DGKI: variants seen among roughly 807,000 people sequenced by gnomAD.
DGKI encodes DAG kinase iota.
In DGKI, 55 loss-of-function variants were observed where a neutral mutation model predicts 147.5. That is an observed-to-expected ratio of 0.37 (90% CI 0.30 to 0.47). DGKI has a LOEUF of 0.47. Among genes scored for constraint, DGKI ranks in the 20% least tolerant of loss-of-function variants. DGKI has a pLI of 1.00. For synonymous variants in DGKI, 469 were observed against 477.1 expected (o/e 0.98, Z 0.22); for missense variants, 1,007 against 1,323.8 (o/e 0.76, Z 3.71).
chr7:137,546,669 A>G (rs1817877862), intron 20 of DGKI, among the ~76,000 whole-genome samples: 1 of 152,226 alleles, frequency 6.6e-6, no homozygotes. Context: ...AAAAGACAAA[A>G]TGTAGAATTT....
At chr7:137,656,114 T>C (rs1172359248) in intron 4 of DGKI, among the ~76,000 whole-genome samples, 2 of 152,244 alleles carry the variant, frequency 1.3e-5, no homozygotes, top group East Asian at 3.8e-4. Flanking sequence ...AAACAGCTTA[T>C]AGAACTTCTT....
chr7:137,711,717 C>CG (rs965590098), intron 1 of DGKI, among the ~76,000 whole-genome samples: 2 of 101,666 alleles, frequency 2.0e-5, no homozygotes, highest in Non-Finnish European at 3.6e-5. Context: ...TTTTTTAAGA[C>CG]GGAGTCTCGC....
intron 30 of DGKI, among the ~76,000 whole-genome samples, chr7:137,405,745 A>C (rs762787251): frequency 5.3e-5 from 8 of 152,170 alleles, no homozygotes; most frequent in Non-Finnish European, 1.0e-4. Flanking sequence ...GAACCCCAGC[A>C]CTACCATGCT....
At chr7:137,432,636 G>A (rs1009161186) in intron 28 of DGKI, among the ~76,000 whole-genome samples, 1 of 152,158 alleles carries the variant, frequency 6.6e-6, no homozygotes, top group Non-Finnish European at 1.5e-5. Context: ...ATGACATTAA[G>A]TAATTTGCTG....
chr7:137,382,377 G>T lies in DGKI; in HGVS notation c.*8843C>A, dbSNP rs977371919. Reference sequence around the variant, plus strand: ...CAAACTTTATCAGGGACCAGAACAAGTTTGTGGACAGGCATAATGTATTAT... The same window carrying T: ...CAAACTTTATCAGGGACCAGAACAATTTTGTGGACAGGCATAATGTATTAT... On this transcript the variant is annotated 3_prime_UTR_variant, in exon 33 of 33. Coordinates refer to ENST00000614521, the MANE Select transcript of DGKI (RefSeq NM_001321708.2). 1 of 151,938 alleles carries T rather than the reference G, an allele frequency of 6.6e-6. No individual in the cohort carries two copies. The highest frequency in any genetic ancestry group is 2.4e-5 in the African/African-American group (1 of 41,374). The allele number at this position is 151,938 out of a possible 1,614,324, so 9.4% of individuals were successfully genotyped here.
Position 137,720,183 on chromosome 7 carries a change from C to T in DGKI, c.402-30181G>A, listed in dbSNP as rs1007882225. Among the ~76,000 whole-genome samples, 6 of 148,720 alleles carry T rather than the reference C, an allele frequency of 4.0e-5. No individual in the cohort carries two copies. In the East Asian group the frequency reaches 1.2e-3, roughly 30 times the overall value. ...TGAGGTCCCCATACTTCATGAGCAA[C>T]TAATATTATAACTAGAAGTGCAATC... On this transcript the variant is annotated intron_variant, in intron 1 of 32. Coordinates refer to ENST00000614521, the MANE Select transcript of DGKI (RefSeq NM_001321708.2).
At chr7:137,601,792 A>G (rs913371686) in intron 10 of DGKI, among the ~76,000 whole-genome samples, 6 of 152,204 alleles carry the variant, frequency 3.9e-5, no homozygotes, top group Admixed American at 3.9e-4. Flanking sequence ...TAATTATCAC[A>G]TTGTTACTCC....
chr7:137,531,629 C>A (rs1354419349), intron 20 of DGKI, among the ~76,000 whole-genome samples: 1 of 152,114 alleles, frequency 6.6e-6, no homozygotes, highest in African/African-American at 2.4e-5. Context: ...CTTTCAGTTT[C>A]TATGTATCAG....
At chr7:137,742,520 A>G (rs1795203336) in intron 1 of DGKI, among the ~76,000 whole-genome samples, 1 of 151,818 alleles carries the variant, frequency 6.6e-6, no homozygotes, top group Non-Finnish European at 1.5e-5. Context: ...CGTCACTCCC[A>G]CTCACTCCCA....
At chr7:137,672,895 C>T (rs565364370) in intron 3 of DGKI, among the ~76,000 whole-genome samples, 2 of 151,432 alleles carry the variant, frequency 1.3e-5, no homozygotes, top group Admixed American at 1.3e-4. Context: ...ATTCTCCTGC[C>T]TCAGCCTCCT....
At chr7:137,413,647 G>A (rs772864137) in intron 28 of DGKI, among the ~76,000 whole-genome samples, 1 of 152,134 alleles carries the variant, frequency 6.6e-6, no homozygotes, top group African/African-American at 2.4e-5. Context: ...GTATTCCATG[G>A]TGTATATATA....
chr7:137,452,272 C>A (rs1813998145), intron 27 of DGKI, among the ~76,000 whole-genome samples: 1 of 152,294 alleles, frequency 6.6e-6, no homozygotes, highest in East Asian at 1.9e-4. Flanking sequence ...TCTGAAAACA[C>A]TCAGCAGTGG....
At chr7:137,772,779 ATT>A (rs1796246035) in intron 1 of DGKI, among the ~76,000 whole-genome samples, 2 of 152,244 alleles carry the variant, frequency 1.3e-5, no homozygotes. Flanking sequence ...ACAAACATAT[ATT>A]GTTTGCATTA....
chr7:137,620,150 G>A (rs1820695905), intron 7 of DGKI, among the ~76,000 whole-genome samples: 1 of 151,930 alleles, frequency 6.6e-6, no homozygotes, highest in Admixed American at 6.6e-5. Context: ...CACCCAGCCA[G>A]CCCCAGGAGC....
intron 1 of DGKI, among the ~76,000 whole-genome samples, chr7:137,840,941 ACT>A (rs1463220052): frequency 6.6e-6 from 1 of 152,202 alleles, no homozygotes; most frequent in Non-Finnish European, 1.5e-5. Context: ...ACACAAGTTA[ACT>A]CTATGTAGGG....
At chr7:137,648,416 G>A (rs539114126) in intron 5 of DGKI, among the ~76,000 whole-genome samples, 1 of 152,282 alleles carries the variant, frequency 6.6e-6, no homozygotes, top group Non-Finnish European at 1.5e-5. Context: ...TCTTAACACT[G>A]ACTTCATCAT....
At chr7:137,658,893 C>T (rs137872625) in intron 3 of DGKI, among the ~76,000 whole-genome samples, 61 of 152,318 alleles carry the variant, frequency 4.0e-4, no homozygotes, top group African/African-American at 1.4e-3. Flanking sequence ...AACTGAAGTG[C>T]AACGTTCCGC....
intron 6 of DGKI, among the ~76,000 whole-genome samples, chr7:137,624,920 G>C (rs1005596306): frequency 6.6e-6 from 1 of 151,880 alleles, no homozygotes; most frequent in Non-Finnish European, 1.5e-5. Context: ...CTCCTCTCTT[G>C]ATTTCCTAAC....
At chr7:137,519,388 G>A (rs1199260053) in intron 21 of DGKI, among the ~76,000 whole-genome samples, 1 of 152,000 alleles carries the variant, frequency 6.6e-6, no homozygotes, top group Non-Finnish European at 1.5e-5. Context: ...AGAACCACAT[G>A]CTGCCTGAAG....
Sources: gnomAD v4.1 joint callset for allele counts (sites outside exome capture counted in the v4.1 genomes callset) on GRCh38, gnomAD v4.1.1 for gene constraint, MANE v1.5 for transcripts, NCBI Gene and HGNC (gene_info 2026-07-23, HGNC 2026-07-21) for gene names.